The following ZNF573 variants were observed in gnomAD, a reference collection of about 807,000 sequenced individuals.
The protein encoded by ZNF573 is zinc finger protein 573.
In ZNF573, 41 loss-of-function variants were observed where a neutral mutation model predicts 57.4. That is an observed-to-expected ratio of 0.71 (90% CI 0.56 to 0.93). The LOEUF (loss-of-function observed/expected upper bound fraction) is 0.93. ZNF573 is among the 40% of genes least tolerant of loss of function. The pLI, the probability that ZNF573 is intolerant of heterozygous loss-of-function variation, is 0.00. For missense variants in ZNF573, 730 were observed against 794.8 expected (o/e 0.92, Z 0.98); for synonymous variants, 249 against 261.0 (o/e 0.95, Z 0.44).
Position 37,739,656 on chromosome 19 carries a change from T to G in ZNF573, c.834A>C (p.Glu278Asp). ...AGCGCCTACTAAAAGTCTTCCCACA[T>G]TCCTTACATTTATATGGTTTTTCGC... ...HTGEKPYKCKECGKTFSRRSN... is the reference protein window; with the variant it reads ...HTGEKPYKCKDCGKTFSRRSN... Residue 278 changes from glutamate to aspartate, a missense_variant, in exon 5 of 5, where the codon GAA becomes GAC. Physicochemically the swap from Glu to Asp is conservative, Grantham distance 45. Coordinates refer to ENST00000536220, the MANE Select transcript of ZNF573 (RefSeq NM_001172690.2). The G allele has an allele frequency of 6.2e-7, 1 of 1,614,072 alleles. No homozygotes were observed.
In ZNF573 at chr19:37,773,536, T is replaced by C; in HGVS notation, c.69+125A>G. 3 of 652,510 alleles carry C rather than the reference T, an allele frequency of 4.6e-6. No homozygotes were observed. The South Asian group carries it at 6.2e-5, about 13-fold the overall frequency. 40.4% of individuals were successfully genotyped at this position (652,510 alleles called of 1,614,324 possible). A position where few individuals can be genotyped will look rare whatever the true frequency, so the allele number is the denominator to read the frequency against. On this transcript the variant is annotated intron_variant, in intron 2 of 4. Transcript: ENST00000536220. ...AGTTATTTGCTATCACTATTCACAA[T>C]ATTAGAAGAAAGTGGGGACAGATAA...
At chr19:37,764,535 G>GGC (rs1479202224) in intron 4 of ZNF573, among the ~76,000 whole-genome samples, 1 of 151,200 alleles carries the variant, frequency 6.6e-6, no homozygotes, top group Non-Finnish European at 1.5e-5. Context: ...TGGCCAGAAT[G>GGC]GTCTCGATCT....
intron 4 of ZNF573, among the ~76,000 whole-genome samples, chr19:37,764,902 C>CTT (rs34049888): frequency 1.6e-4 from 17 of 106,510 alleles, no homozygotes; most frequent in South Asian, 3.1e-4. Context: ...TGTGCCCGGC[C>CTT]TTTTTTTTTT....
intron 1 of ZNF573, among the ~76,000 whole-genome samples, chr19:37,779,153 C>A (rs1163261937): frequency 6.6e-6 from 1 of 152,056 alleles, no homozygotes; most frequent in Non-Finnish European, 1.5e-5. Context: ...CCGCAATCAA[C>A]GTACATGAAA....
intron 4 of ZNF573, among the ~76,000 whole-genome samples, chr19:37,746,788 T>C (rs1048498329): frequency 6.6e-6 from 1 of 152,328 alleles, no homozygotes; most frequent in African/African-American, 2.4e-5. Flanking sequence ...TTCACCATGT[T>C]GGCCAGGCTG....
intron 4 of ZNF573, among the ~76,000 whole-genome samples, chr19:37,763,690 T>C (rs1457928630): frequency 2.6e-5 from 4 of 152,238 alleles, no homozygotes; most frequent in Admixed American, 1.3e-4. Flanking sequence ...AGACTGGGCA[T>C]ACTAAAAAAC....
intron 4 of ZNF573, among the ~76,000 whole-genome samples, chr19:37,757,168 C>A (rs2045496515): frequency 6.6e-6 from 1 of 151,852 alleles, no homozygotes; most frequent in African/African-American, 2.4e-5. Context: ...TCACTGCCTA[C>A]CCACACTAAA....
chr19:37,771,822 G>A (rs747693185), intron 2 of ZNF573, 126 bp from the exon 3 acceptor site: 7 of 916,666 alleles, frequency 7.6e-6, no homozygotes, highest in Non-Finnish European at 1.1e-5. Flanking sequence ...GCAGACTAAA[G>A]CAACGTGTCT....
At position 37,738,414 on chromosome 19, in the gene ZNF573, T is replaced by C. The variant is rs199908753; in HGVS notation, c.*78A>G. ...CTCTCTCAATTGCTAAAGCCATACC[T>C]ATAAGACTAACATTCCATCATTTCT... On this transcript the variant is annotated 3_prime_UTR_variant, in exon 5 of 5. Transcript: ENST00000536220. 1 of 1,437,136 alleles carries C rather than the reference T, an allele frequency of 7.0e-7. No homozygotes were observed. The highest frequency in any genetic ancestry group is 9.2e-7 in the Non-Finnish European group (1 of 1,088,952). 89.0% of individuals were successfully genotyped at this position (1,437,136 alleles called of 1,614,324 possible).
rs550477436 is a variant in ZNF573 at position 37,769,711 on chromosome 19, G to A, written c.295+294C>T. Among the ~76,000 whole-genome samples, 4 of 125,386 alleles carry A rather than the reference G, an allele frequency of 3.2e-5. No homozygotes were observed. The South Asian group carries it at 1.1e-3, about 33-fold the overall frequency. The allele number at this position is 125,386 out of a possible 152,430, so 82.3% of individuals were successfully genotyped here. A position where few individuals can be genotyped will look rare whatever the true frequency, so the allele number is the denominator to read the frequency against. ...ACTGCACTCTGGCCCGGGCGACAGA[G>A]CAAGACTCTGTCTCGGAAAAAAAAA... is the stretch of plus-strand genomic sequence containing the variant. On this transcript the variant is annotated intron_variant, in intron 4 of 4. Coordinates refer to ENST00000536220, the MANE Select transcript of ZNF573 (RefSeq NM_001172690.2).
intron 4 of ZNF573, chr19:37,740,653 A>G (rs776617427): frequency 6.6e-6 from 3 of 452,966 alleles, no homozygotes; most frequent in Non-Finnish European, 4.4e-6. Flanking sequence ...AGGAGGTCTC[A>G]TGTCAAAACA....
intron 3 of ZNF573, 143 bp downstream of exon 3, chr19:37,771,421 C>T: frequency 3.1e-6 from 3 of 958,800 alleles, no homozygotes; most frequent in Non-Finnish European, 3.0e-6. Context: ...CAGCCATTGT[C>T]AAACAGGCAG....
chr19:37,740,708 C>T (rs2045319376), intron 4 of ZNF573: 1 of 422,726 alleles, frequency 2.4e-6, no homozygotes, highest in Admixed American at 2.8e-5. Context: ...CTCTTTTCAA[C>T]ACCTGGAATA....
chr19:37,771,487 T>C (rs1264150812), intron 3 of ZNF573, 77 bp downstream of exon 3: 3 of 1,497,684 alleles, frequency 2.0e-6, no homozygotes, highest in Non-Finnish European at 2.7e-6. Context: ...TCTTGAAATA[T>C]GGCCTTGAAA....
intron 4 of ZNF573, among the ~76,000 whole-genome samples, chr19:37,744,447 CAG>C (rs2045358506): frequency 6.6e-6 from 1 of 151,980 alleles, no homozygotes; most frequent in Admixed American, 6.6e-5. Flanking sequence ...ACATCAAAAA[CAG>C]AGTCAGGGAC....
At chr19:37,762,723 G>A (rs892826020) in intron 4 of ZNF573, among the ~76,000 whole-genome samples, 1 of 151,690 alleles carries the variant, frequency 6.6e-6, no homozygotes, top group Non-Finnish European at 1.5e-5. Flanking sequence ...CCCTGGAAAC[G>A]ATGACTAAAG....
intron 4 of ZNF573, among the ~76,000 whole-genome samples, chr19:37,764,729 G>C (rs890527038): frequency 8.2e-5 from 12 of 146,924 alleles, no homozygotes; most frequent in African/African-American, 3.0e-4. Flanking sequence ...TCAGCCTCCC[G>C]AGTAGCTGGG....
At position 37,739,241 on chromosome 19, in the gene ZNF573, T is replaced by C; in HGVS notation, c.1249A>G (p.Lys417Glu). The C allele has an allele frequency of 6.2e-7, 1 of 1,614,000 alleles. No homozygotes were observed. The highest frequency in any genetic ancestry group is 8.5e-7 in the Non-Finnish European group (1 of 1,179,986). Residue 417 changes from lysine (K) to glutamate (E), a missense_variant, in exon 5 of 5, where the codon AAG becomes GAG. By Grantham distance (56) the Lys-to-Glu change is moderately conservative. Coordinates refer to ENST00000536220, the MANE Select transcript of ZNF573 (RefSeq NM_001172690.2). Reference protein sequence around the residue: ...THTGEKPYECKECGKAFSLYG... With the variant: ...THTGEKPYECEECGKAFSLYG... The stretch of plus-strand genomic sequence containing the variant: ...AAGCTAAAGGCCTTTCCGCATTCCT[T>C]GCATTCATAGGGTTTCTCGCCAGTA...
rs776849960 is a variant in ZNF573 at position 37,739,923 on chromosome 19, G to C, written c.567C>G (p.Pro189=). ...LHQRFHTGEK[P]YECTECGKNF... Reference sequence around the variant, plus strand: ...TCTTCCCACATTCTGTACATTCATAGGGTTTCTCACCAGTATGAAATCTTT... The same window carrying C: ...TCTTCCCACATTCTGTACATTCATACGGTTTCTCACCAGTATGAAATCTTT... The change falls in exon 5 of 5, where the codon CCC becomes CCG. Residue 189 remains proline, a synonymous_variant. Transcript: ENST00000536220. The C allele has an allele frequency of 6.2e-7, 1 of 1,614,028 alleles. No individual in the cohort carries two copies. The highest frequency in any genetic ancestry group is 1.1e-5 in the South Asian group (1 of 91,072).
Sources: gnomAD v4.1 joint callset for allele counts (sites outside exome capture counted in the v4.1 genomes callset) on GRCh38, gnomAD v4.1.1 for gene constraint, MANE v1.5 for transcripts, NCBI Gene and HGNC (gene_info 2026-07-23, HGNC 2026-07-21) for gene names.